The following KDM6A variants were observed in gnomAD, a reference collection of about 807,000 sequenced individuals.
KDM6A encodes the protein lysine demethylase 6A.
KDM6A carries 11 observed loss-of-function variants against 117.6 expected under a neutral mutation model. The observed-to-expected ratio is 0.09, with a 90% CI of 0.06 to 0.15. The LOEUF is 0.15. Among genes scored for constraint, KDM6A ranks in the 10% least tolerant of loss-of-function variants. The probability of loss-of-function intolerance (pLI) is 1.00; values close to 1 mark genes in which losing one functional copy is unlikely to be tolerated. For synonymous variants in KDM6A, 384 were observed against 396.1 expected, an observed-to-expected ratio of 0.97 and a Z score of 0.36; for missense variants, 799 against 1,077.3, an observed-to-expected ratio of 0.74 and a Z score of 3.62.
chrX:44,932,190 G>A (rs1457838292), intron 2 of KDM6A, among the ~76,000 whole-genome samples: 2 of 94,119 alleles, frequency 2.1e-5, no homozygotes, highest in African/African-American at 8.3e-5. Flanking sequence ...CACCTCCCAG[G>A]TTTAAGCAAT....
At chrX:45,035,468 A>G (rs2042771274) in intron 7 of KDM6A, among the ~76,000 whole-genome samples, 1 of 111,509 alleles carries the variant, frequency 9.0e-6, no homozygotes, top group South Asian at 3.7e-4. Flanking sequence ...TTAGAAAGGA[A>G]TACATTTACG....
chrX:45,092,804 A>G (rs1240649850), intron 27 of KDM6A, among the ~76,000 whole-genome samples: 2 of 111,496 alleles, frequency 1.8e-5, no homozygotes, highest in Admixed American at 1.9e-4. Flanking sequence ...GAATAATGAG[A>G]TGAAATCAAC....
chrX:44,994,249 C>G (rs760970317), intron 4 of KDM6A, among the ~76,000 whole-genome samples: 25 of 111,889 alleles, frequency 2.2e-4, no homozygotes, highest in African/African-American at 7.5e-4. Context: ...AATTCCCTTT[C>G]CCCACCCTCC....
intron 2 of KDM6A, among the ~76,000 whole-genome samples, chrX:44,932,084 C>CTTTTTTTTTTT (rs796121677): frequency 1.2e-4 from 2 of 17,074 alleles, no homozygotes; most frequent in Admixed American, 1.4e-3. Context: ...TCTAGGTAGC[C>CTTTTTTTTTTT]TTTTTTTTTT....
chrX:45,076,646 C>G (rs766448110), intron 18 of KDM6A, 51 bp from the exon 19 acceptor site: 3 of 746,411 alleles, frequency 4.0e-6, no homozygotes, highest in Non-Finnish European at 5.6e-6. Context: ...TTTTTTTTTT[C>G]TGTTTTCCAA....
At chrX:44,891,062 C>T (rs1244945061) in intron 2 of KDM6A, among the ~76,000 whole-genome samples, 2 of 109,319 alleles carry the variant, frequency 1.8e-5, no homozygotes, top group Non-Finnish European at 1.9e-5. Flanking sequence ...TTTGAGATTT[C>T]TTTATATTTT....
At chrX:45,005,103 A>ATT (rs2041368115) in intron 4 of KDM6A, among the ~76,000 whole-genome samples, 1 of 110,926 alleles carries the variant, frequency 9.0e-6, no homozygotes, top group Non-Finnish European at 1.9e-5. Context: ...GAAATTCTGA[A>ATT]TATCTTTTTT....
intron 4 of KDM6A, among the ~76,000 whole-genome samples, chrX:45,002,356 G>A (rs1368073446): frequency 9.0e-6 from 1 of 111,576 alleles, no homozygotes; most frequent in Non-Finnish European, 1.9e-5. Flanking sequence ...TTTTGTTAAA[G>A]AGCAGGTTAG....
In KDM6A at chrX:45,044,515, A is replaced by C. The variant is rs192244017; in HGVS notation, c.654+6826A>C. Among the ~76,000 whole-genome samples the C allele has an allele frequency of 3.4e-3, 377 of 111,020 alleles. 1 individual carries two copies. Among genetic ancestry groups the C allele is most frequent in the African/African-American group, 0.012 (354 of 30,562 alleles). On this transcript the variant is annotated intron_variant, in intron 8 of 29. Transcript: ENST00000611820. ...CTTCCTTCCACTTCCTCAGGCATCTACTCCCCTCCCTAAAGCCATCAATGT... is the reference window on the plus strand; with the variant it reads ...CTTCCTTCCACTTCCTCAGGCATCTCCTCCCCTCCCTAAAGCCATCAATGT...
intron 2 of KDM6A, among the ~76,000 whole-genome samples, chrX:44,900,190 A>G (rs1425527829): frequency 8.9e-6 from 1 of 112,285 alleles, no homozygotes; most frequent in African/African-American, 3.2e-5. Context: ...GCTCCTTTCA[A>G]CATATTAAGG....
At chrX:45,015,403 C>T (rs1473548695) in intron 5 of KDM6A, among the ~76,000 whole-genome samples, 1 of 111,330 alleles carries the variant, frequency 9.0e-6, no homozygotes, top group Non-Finnish European at 1.9e-5. Flanking sequence ...ATGTGAGCCA[C>T]GGAGCCTGGT....
intron 3 of KDM6A, among the ~76,000 whole-genome samples, chrX:44,963,499 C>CTGTCTGTCTCTGTCTGTCTG (rs796328734): frequency 1.2e-5 from 1 of 81,137 alleles, no homozygotes; most frequent in African/African-American, 5.8e-5. Flanking sequence ...GTCTGTCTGT[C>CTGTCTGTCTCTGTCTGTCTG]TCTGTCTGTC....
intron 8 of KDM6A, among the ~76,000 whole-genome samples, chrX:45,040,346 C>T (rs1386346370): frequency 2.0e-4 from 19 of 93,701 alleles, no homozygotes; most frequent in East Asian, 1.1e-3. Context: ...TAGGGGCGGC[C>T]GGGCAGAGGC....
intron 17 of KDM6A, among the ~76,000 whole-genome samples, chrX:45,069,235 G>T (rs1425490445): frequency 9.0e-6 from 1 of 111,582 alleles, no homozygotes; most frequent in Admixed American, 9.5e-5. Context: ...TTGATCCATG[G>T]TCATAGCTTT....
At chrX:44,962,686 TTTTG>T (rs1423701626) in intron 3 of KDM6A, among the ~76,000 whole-genome samples, 1 of 111,189 alleles carries the variant, frequency 9.0e-6, no homozygotes, top group Non-Finnish European at 1.9e-5. Flanking sequence ...AACAAAATTT[TTTTG>T]TTTCCTATTA....
At chrX:44,877,301 A>AT (rs921263337) in intron 2 of KDM6A, among the ~76,000 whole-genome samples, 1 of 111,353 alleles carries the variant, frequency 9.0e-6, no homozygotes, top group Admixed American at 9.6e-5. Context: ...ACAATGTATT[A>AT]TTTTTTGGTA....
intron 17 of KDM6A, among the ~76,000 whole-genome samples, chrX:45,067,666 T>G (rs1455162094): frequency 9.9e-6 from 1 of 100,799 alleles, no homozygotes; most frequent in Non-Finnish European, 2.0e-5. Flanking sequence ...TTTTTTTTTT[T>G]TTTTGAGATG....
chrX:44,948,228 C>A (rs192948386), intron 2 of KDM6A, among the ~76,000 whole-genome samples: 2 of 111,711 alleles, frequency 1.8e-5, no homozygotes, highest in Admixed American at 1.9e-4. Context: ...TATACAAGGG[C>A]TCTGTTTGAA....
chrX:44,984,837 A>T (rs1304039137), intron 4 of KDM6A, among the ~76,000 whole-genome samples: 1 of 111,633 alleles, frequency 9.0e-6, no homozygotes, highest in Admixed American at 9.5e-5. Flanking sequence ...GTTTGAAGCC[A>T]GATAGTGTGA....
Sources: allele counts gnomAD v4.1 joint callset (sites outside exome capture counted in the v4.1 genomes callset), GRCh38; gene constraint gnomAD v4.1.1; transcripts MANE v1.5; gene names NCBI Gene and HGNC (gene_info 2026-07-23, HGNC 2026-07-21).